The following SLMAP variants were observed in gnomAD, a reference collection of about 807,000 sequenced individuals.
The protein encoded by SLMAP is sarcolemma associated protein, also known as sarcolemmal membrane-associated protein.
SLMAP carries 44 observed loss-of-function variants against 128.8 expected under a neutral mutation model. The observed-to-expected ratio is 0.34, with a 90% confidence interval of 0.27 to 0.44. The LOEUF (loss-of-function observed/expected upper bound fraction) is 0.44, where lower values mean the gene tolerates loss of function less well. SLMAP is among the 20% of genes least tolerant of loss of function. The pLI is 1.00. For missense variants in SLMAP, 787 were observed against 985.3 expected, an observed-to-expected ratio of 0.80 and a Z score of 2.69; for synonymous variants, 327 against 348.8, an observed-to-expected ratio of 0.94 and a Z score of 0.70.
At chr3:57,777,416 T>G (rs1055862558) in intron 2 of SLMAP, among the ~76,000 whole-genome samples, 7 of 152,018 alleles carry the variant, frequency 4.6e-5, no homozygotes, top group Non-Finnish European at 8.8e-5. Context: ...AAAAATTAAT[T>G]TTATTCATTG....
At chr3:57,788,798 G>A (rs2084795571) in intron 2 of SLMAP, among the ~76,000 whole-genome samples, 1 of 152,170 alleles carries the variant, frequency 6.6e-6, no homozygotes, top group African/African-American at 2.4e-5. Flanking sequence ...TTGAGGGCTG[G>A]CTGTTCAGTA....
chr3:57,898,528 A>G (rs2096292974), intron 17 of SLMAP: 1 of 152,196 alleles, frequency 6.6e-6, no homozygotes. Context: ...TCAGTGTTAC[A>G]GAAATCTTTT....
At chr3:57,884,730 G>A (rs2095835341) in intron 14 of SLMAP, among the ~76,000 whole-genome samples, 1 of 152,022 alleles carries the variant, frequency 6.6e-6, no homozygotes, top group Non-Finnish European at 1.5e-5. Flanking sequence ...GATGGCTTGA[G>A]CCCAGAAGGT....
intron 24 of SLMAP, chr3:57,926,201 TTATCTC>T (rs1445883250): frequency 2.6e-5 from 11 of 424,894 alleles, no homozygotes; most frequent in East Asian, 1.7e-4. Context: ...AACTGAGTCT[TTATCTC>T]TAGCAAACTG....
chr3:57,761,000 T>A (rs1344197206), intron 2 of SLMAP, among the ~76,000 whole-genome samples: 1 of 151,594 alleles, frequency 6.6e-6, no homozygotes, highest in African/African-American at 2.4e-5. Flanking sequence ...GTGCTGGGAT[T>A]ACAGGCATGA....
At chr3:57,912,032 C>G (rs1320586411) in intron 19 of SLMAP, among the ~76,000 whole-genome samples, 1 of 147,310 alleles carries the variant, frequency 6.8e-6, no homozygotes, top group Non-Finnish European at 1.5e-5. Flanking sequence ...TATACTATAA[C>G]TATTTTTTTG....
intron 2 of SLMAP, among the ~76,000 whole-genome samples, chr3:57,766,800 A>G (rs1473869911): frequency 6.6e-6 from 1 of 152,092 alleles, no homozygotes; most frequent in African/African-American, 2.4e-5. Context: ...TCATCCCTTA[A>G]GGCTCAGTTC....
chr3:57,816,258 C>G (rs1462458901), intron 2 of SLMAP, among the ~76,000 whole-genome samples: 1 of 152,090 alleles, frequency 6.6e-6, no homozygotes, highest in Non-Finnish European at 1.5e-5. Flanking sequence ...ATTCTCCTGC[C>G]TCAGCCCCCC....
chr3:57,876,389 C>G (rs2095604538), intron 14 of SLMAP, among the ~76,000 whole-genome samples: 1 of 152,082 alleles, frequency 6.6e-6, no homozygotes, highest in Non-Finnish European at 1.5e-5. Context: ...ACTTTAAATT[C>G]CAGACAAAGA....
At chr3:57,772,993 A>T (rs2081190474) in intron 2 of SLMAP, among the ~76,000 whole-genome samples, 1 of 152,124 alleles carries the variant, frequency 6.6e-6, no homozygotes, top group South Asian at 2.1e-4. Flanking sequence ...CTAAGCTTGT[A>T]TGTTTGGTTG....
chr3:57,909,503 G>GAAAA (rs558353210), intron 19 of SLMAP, among the ~76,000 whole-genome samples: 1 of 126,156 alleles, frequency 7.9e-6, no homozygotes, highest in Non-Finnish European at 1.7e-5. Context: ...CTCCATCTCA[G>GAAAA]AAAAAAAAAA....
chr3:57,860,677 T>C (rs1326900054), intron 8 of SLMAP, 22 bp from the exon 9 acceptor site: 1 of 1,490,754 alleles, frequency 6.7e-7, no homozygotes, highest in Non-Finnish European at 9.0e-7. Context: ...TTGTCTATAA[T>C]TATAAATATC....
At chr3:57,853,954 A>AAT (rs1301050730) in intron 6 of SLMAP, among the ~76,000 whole-genome samples, 39 of 40,614 alleles carry the variant, frequency 9.6e-4, no homozygotes, top group African/African-American at 3.4e-3. Flanking sequence ...AAAAAAAAAA[A>AAT]TTATATATAT....
chr3:57,912,434 A>G lies in SLMAP; in HGVS notation c.1753A>G (p.Ser585Gly), dbSNP rs370779290. Residue 585 changes from serine to glycine, a missense_variant, in exon 20 of 25, where the codon AGT becomes GGT. Ser to Gly is a moderately conservative substitution (Grantham distance 56). Coordinates refer to ENST00000671191, the MANE Select transcript of SLMAP (RefSeq NM_001377540.1). ...DTENLREEKD[S>G]EITSTRDELL... The stretch of plus-strand genomic sequence containing the variant: ...TGAGAATCTCCGGGAGGAGAAGGAC[A>G]GTGAAATCACAAGTACTAGAGATGA... 2 of 1,614,086 alleles carry G rather than the reference A, an allele frequency of 1.2e-6. No homozygotes were observed. Among genetic ancestry groups the G allele is most frequent in the Non-Finnish European group, 1.7e-6 (2 of 1,179,900 alleles).
chr3:57,777,495 G>A (rs2082170954), intron 2 of SLMAP, among the ~76,000 whole-genome samples: 1 of 152,046 alleles, frequency 6.6e-6, no homozygotes, highest in Admixed American at 6.6e-5. Context: ...TAAGACGGGA[G>A]GACTGCTTGA....
intron 13 of SLMAP, among the ~76,000 whole-genome samples, chr3:57,865,742 G>A (rs2095282790): frequency 1.3e-5 from 2 of 152,156 alleles, no homozygotes; most frequent in South Asian, 2.1e-4. Context: ...AGAGAACAGG[G>A]TCAGTTTTTT....
At chr3:57,868,719 C>T (rs1279629005) in intron 13 of SLMAP, among the ~76,000 whole-genome samples, 3 of 148,004 alleles carry the variant, frequency 2.0e-5, no homozygotes, top group East Asian at 3.9e-4. Flanking sequence ...AGAGTAAGAC[C>T]CTGTCTCTTA....
intron 5 of SLMAP, among the ~76,000 whole-genome samples, chr3:57,847,519 T>C (rs1405879554): frequency 2.6e-5 from 4 of 152,230 alleles, no homozygotes; most frequent in Non-Finnish European, 4.4e-5. Flanking sequence ...TCGCTGTTAC[T>C]TTTTATTCTG....
At chr3:57,859,320 C>CAA (rs555697911) in intron 8 of SLMAP, among the ~76,000 whole-genome samples, 11 of 68,832 alleles carry the variant, frequency 1.6e-4, no homozygotes, top group East Asian at 5.1e-4. Context: ...GAGACTGTCT[C>CAA]AAAAAAAAAA....
Sources: gnomAD v4.1 joint callset for allele counts (sites outside exome capture counted in the v4.1 genomes callset) on GRCh38, gnomAD v4.1.1 for gene constraint, MANE v1.5 for transcripts, NCBI Gene and HGNC (gene_info 2026-07-23, HGNC 2026-07-21) for gene names.